INTS11: variants seen among roughly 807,000 people sequenced by gnomAD.
INTS11 encodes integrator complex subunit 11.
Under a neutral mutation model 78.6 loss-of-function variants are expected in INTS11, and 77 were observed. The observed-to-expected ratio is 0.98, with a 90% confidence interval of 0.81 to 1.18. INTS11 has a LOEUF of 1.18. Among genes scored for constraint, INTS11 ranks in the 50% most tolerant of loss-of-function variants. The pLI is 0.00. For missense variants in INTS11, 875 were observed against 825.9 expected (o/e 1.06, Z -0.73); for synonymous variants, 441 against 326.9 (o/e 1.35, Z -3.77).
chr1:1,323,031 G>A, intron 1 of INTS11: 1 of 1,415,704 alleles, frequency 7.1e-7, no homozygotes, highest in Middle Eastern at 2.6e-4. Context: ...GGGCAGGCTG[G>A]GAGGACCCCA....
intron 16 of INTS11, 24 bp from the exon 17 acceptor site, chr1:1,311,948 T>G: frequency 6.3e-7 from 1 of 1,585,280 alleles, no homozygotes. Flanking sequence ...AAAAGCATTG[T>G]GGGTGGTGCA....
chr1:1,321,966 G>C, intron 1 of INTS11: 2 of 1,393,634 alleles, frequency 1.4e-6, no homozygotes, highest in Non-Finnish European at 1.9e-6. Context: ...GGATGACGGG[G>C]CCACAGCCGA....
rs145064305 is a variant in INTS11 at position 1,322,254 on chromosome 1, T to C, written c.29-1161A>G. On this transcript the variant is annotated intron_variant, in intron 1 of 16. Coordinates refer to ENST00000435064, the MANE Select transcript of INTS11 (RefSeq NM_017871.6). Reference sequence around the variant, plus strand: ...TTTTCTGAATTCCAAAGCCCAGTCCTGAAGTACTGGCAGTCCCGCCTCCCG... The same window carrying C: ...TTTTCTGAATTCCAAAGCCCAGTCCCGAAGTACTGGCAGTCCCGCCTCCCG... Among the ~76,000 whole-genome samples, 271 of 151,690 alleles carry C rather than the reference T, an allele frequency of 1.8e-3. 1 individual carries two copies. Among genetic ancestry groups the C allele is most frequent in the African/African-American group, 6.1e-3 (253 of 41,350 alleles).
Position 1,312,213 on chromosome 1 carries a change from G to GGGGGGGCCCCCCCCCCCCCCCCCCCCC in INTS11, c.1607+12_1607+13insGGGGGGGGGGGGGGGGGGGGGCCCCCC. ...CCCAAGGGAGTGGGGGGGGGGCGGG[G>GGGGGGGCCCCCCCCCCCCCCCCCCCCC]CCGGGCGCCCACCTCTTGAGGTGGC... is the stretch of plus-strand genomic sequence containing the variant. On this transcript the variant is annotated intron_variant, in intron 15 of 16. Coordinates refer to ENST00000435064, the MANE Select transcript of INTS11 (RefSeq NM_017871.6). 2 of 934,618 alleles carry GGGGGGGCCCCCCCCCCCCCCCCCCCCC rather than the reference G, an allele frequency of 2.1e-6. No individual in the cohort carries two copies. Among genetic ancestry groups the GGGGGGGCCCCCCCCCCCCCCCCCCCCC allele is most frequent in the Non-Finnish European group, 3.1e-6 (2 of 636,666 alleles). 57.9% of individuals were successfully genotyped at this position (934,618 alleles called of 1,614,324 possible).
intron 1 of INTS11, chr1:1,322,069 G>T: frequency 1.1e-6 from 1 of 880,402 alleles, no homozygotes. Context: ...CAGGGTCTCA[G>T]CTGTCTCCTC....
At chr1:1,315,676 A>C (rs1642538238) in intron 4 of INTS11, 58 bp from the exon 5 acceptor site, 9 of 581,558 alleles carry the variant, frequency 1.5e-5, no homozygotes, top group African/African-American at 2.3e-5. Flanking sequence ...GCGGGGAGTG[A>C]GGGAGGCGGG....
intron 3 of INTS11, 110 bp downstream of exon 3, chr1:1,320,346 G>A: frequency 1.0e-6 from 1 of 992,370 alleles, no homozygotes. Flanking sequence ...AGCCCCCTGA[G>A]GATCAAGGAT....
chr1:1,317,504 G>A (rs977741424), intron 4 of INTS11: 53 of 955,346 alleles, frequency 5.5e-5, no homozygotes, highest in Non-Finnish European at 1.2e-5. Context: ...ATATCCATCA[G>A]GAAACAGGAA....
intron 1 of INTS11, among the ~76,000 whole-genome samples, chr1:1,322,594 CA>C (rs1250834982): frequency 1.0e-5 from 1 of 97,556 alleles, no homozygotes; most frequent in East Asian, 2.9e-4. Context: ...AGGGATGGTC[CA>C]GGGGAGGAGA....
intron 13 of INTS11, 34 bp from the exon 14 acceptor site, chr1:1,312,535 G>C (rs777787358): frequency 1.3e-6 from 2 of 1,581,224 alleles, no homozygotes; most frequent in Non-Finnish European, 1.7e-6. Context: ...ATCAATGTGA[G>C]GGCCGCTCCC....
In INTS11 at chr1:1,312,218, G is replaced by GCCC; in HGVS notation, c.1607+7_1607+8insGGG. The stretch of plus-strand genomic sequence containing the variant: ...GGGAGTGGGGGGGGGGCGGGGCCGG[G>GCCC]CGCCCACCTCTTGAGGTGGCTGTAG... On this transcript the variant is annotated splice_region_variant and intron_variant, in intron 15 of 16. Coordinates refer to ENST00000435064, the MANE Select transcript of INTS11 (RefSeq NM_017871.6). 6.7e-7 allele frequency: 1 copy of GCCC among 1,486,700 alleles called. No individual in the cohort carries two copies. Among genetic ancestry groups the GCCC allele is most frequent in the Non-Finnish European group, 9.1e-7 (1 of 1,099,202 alleles). The allele number at this position is 1,486,700 out of a possible 1,614,324, so 92.1% of individuals were successfully genotyped here.
At position 1,314,035 on chromosome 1, in the gene INTS11, T is replaced by C. The variant is rs56229438; in HGVS notation, c.768-114A>G. On this transcript the variant is annotated intron_variant, in intron 8 of 16. Coordinates refer to ENST00000435064, the MANE Select transcript of INTS11 (RefSeq NM_017871.6). The surrounding 1 kb of genome is among the most constrained non-coding windows in gnomAD (Gnocchi z 4.2). ...CTGCACAGCCCACGCACGGGCCAGG[T>C]TGAGTCCAGTCGCGACCACTTGTCC... 3.6e-6 allele frequency: 4 copies of C among 1,107,876 alleles called. No individual in the cohort carries two copies. The highest frequency in any genetic ancestry group is 2.4e-5 in the East Asian group (1 of 41,532). 68.6% of individuals were successfully genotyped at this position (1,107,876 alleles called of 1,614,324 possible).
chr1:1,319,353 C>T lies in INTS11; in HGVS notation c.372G>A (p.Gln124=), dbSNP rs763058172. The T allele has an allele frequency of 1.2e-6, 2 of 1,613,380 alleles. No individual in the cohort carries two copies. The highest frequency in any genetic ancestry group is 1.7e-6 in the Non-Finnish European group (2 of 1,180,012). Residue 124 remains glutamine (Q), a synonymous_variant, in exon 4 of 17, where the codon CAG becomes CAA. Transcript: ENST00000435064. ...KKGEANFFTS[Q]MIKDCMKKVV... is the part of the protein sequence containing the mutation. ...CCTTCTTCATGCAGTCTTTGATCAT[C>T]TGGGAGGTGAAGAAGTTGGCCTCGC...
At chr1:1,320,688 C>G (rs1271578548) in intron 2 of INTS11, 159 bp from the exon 3 acceptor site, 1 of 794,468 alleles carries the variant, frequency 1.3e-6, no homozygotes, top group Admixed American at 1.9e-5. Flanking sequence ...CCTGGCTGCT[C>G]ACAGCATCCG....
At position 1,321,107 on chromosome 1, in the gene INTS11, G is replaced by T; in HGVS notation, c.29-14C>A. On this transcript the variant is annotated splice_polypyrimidine_tract_variant and intron_variant, in intron 1 of 16. Coordinates refer to ENST00000435064, the MANE Select transcript of INTS11 (RefSeq NM_017871.6). ...CCTGGCCGGCCCCTACTCGAGGGAG[G>T]GCAGATGAGTCACTGCTGCGCCCCC... 6.2e-7 allele frequency: 1 copy of T among 1,600,508 alleles called. No homozygotes were observed. The highest frequency in any genetic ancestry group is 8.5e-7 in the Non-Finnish European group (1 of 1,170,838).
At chr1:1,313,394 C>T in intron 10 of INTS11, 115 bp downstream of exon 10, 3 of 1,207,652 alleles carry the variant, frequency 2.5e-6, no homozygotes, top group Non-Finnish European at 2.4e-6. Context: ...GCAGCAGCAG[C>T]CACGTCCCTT....
chr1:1,319,247 G>T (rs1642803625), intron 4 of INTS11, 49 bp downstream of exon 4: 1 of 1,457,040 alleles, frequency 6.9e-7, no homozygotes, highest in Non-Finnish European at 9.6e-7. Flanking sequence ...GGCATGGTTG[G>T]TGTGGGGGTG....
intron 16 of INTS11, 41 bp downstream of exon 16, chr1:1,311,977 A>T: frequency 6.3e-7 from 1 of 1,597,482 alleles, no homozygotes; most frequent in Non-Finnish European, 8.5e-7. Flanking sequence ...AGGAATGTTG[A>T]TACCTGTGTT....
At chr1:1,321,145 T>C (rs1387419538) in intron 1 of INTS11, 52 bp from the exon 2 acceptor site, 2 of 1,438,914 alleles carry the variant, frequency 1.4e-6, no homozygotes, top group Non-Finnish European at 1.9e-6. Context: ...CCCCCTGTGC[T>C]GCCTCCCCAA....
Sources: allele counts gnomAD v4.1 joint callset (sites outside exome capture counted in the v4.1 genomes callset), GRCh38; gene constraint gnomAD v4.1.1; non-coding constraint Gnocchi (gnomAD v3.1); transcripts MANE v1.5; gene names NCBI Gene and HGNC (gene_info 2026-07-23, HGNC 2026-07-21).